The following ZNF282 variants were observed in gnomAD, a reference collection of about 807,000 sequenced individuals.
ZNF282 encodes zinc finger protein 282.
In ZNF282, 30 loss-of-function variants were observed where a neutral mutation model predicts 61.9. The ratio of observed to expected loss-of-function variants is 0.48; its 90% CI spans 0.36 to 0.66. The LOEUF is 0.66. Ranked by LOEUF, ZNF282 falls within the 30% of genes least tolerant of loss-of-function variation. The pLI is 0.00. For missense variants in ZNF282, 788 were observed against 941.4 expected, an observed-to-expected ratio of 0.84 and a Z score of 2.13; for synonymous variants, 396 against 405.0, an observed-to-expected ratio of 0.98 and a Z score of 0.27.
At position 149,224,249 on chromosome 7, in the gene ZNF282, C is replaced by G. The variant is rs1283870795; in HGVS notation, c.1618C>G (p.His540Asp). 6.2e-7 allele frequency: 1 copy of G among 1,612,550 alleles called. No individual in the cohort carries two copies. The highest frequency in any genetic ancestry group is 1.7e-5 in the Admixed American group (1 of 60,006). Residue 540 changes from histidine (H) to aspartate (D), a missense_variant, in exon 8 of 8, where the codon CAC (histidine) becomes GAC (aspartate). Physicochemically the swap from His to Asp is moderately conservative, Grantham distance 81 (BLOSUM62 -1). Coordinates refer to ENST00000610704, the MANE Select transcript of ZNF282 (RefSeq NM_003575.4). ...GAGCCTCATCATCCACCACCGCAGC[C>G]ACACCAAGGAGCGGCCCTACGAGTG... ...RKSLIIHHRS[H>D]TKERPYECAE...
Position 149,224,437 on chromosome 7 carries a change from C to A in ZNF282, c.1806C>A (p.Phe602Leu). 6.2e-7 allele frequency: 1 copy of A among 1,613,940 alleles called. No individual in the cohort carries two copies. The highest frequency in any genetic ancestry group is 8.5e-7 in the Non-Finnish European group (1 of 1,179,968). The part of the protein sequence containing the change: ...HQRLHTGERP[F>L]QCALCGKSFI... ...GGCTGCACACGGGCGAGCGGCCTTT[C>A]CAATGTGCACTGTGCGGCAAGAGCT... is the stretch of plus-strand genomic sequence containing the variant. The change falls in exon 8 of 8, where the codon TTC (phenylalanine) becomes TTA (leucine). Residue 602 changes from phenylalanine (F) to leucine (L), a missense_variant. Phe to Leu is a conservative substitution (Grantham distance 22). Coordinates refer to ENST00000610704, the MANE Select transcript of ZNF282 (RefSeq NM_003575.4).
intron 7 of ZNF282, among the ~76,000 whole-genome samples, chr7:149,223,284 G>GTTT (rs35217674): frequency 2.0e-5 from 3 of 147,354 alleles, no homozygotes; most frequent in Admixed American, 6.8e-5. Context: ...GAAAAGATTT[G>GTTT]TTTTTTTTTT....
Position 149,205,884 on chromosome 7 carries a change from C to T in ZNF282, c.586-812C>T, listed in dbSNP as rs151111404. Among the ~76,000 whole-genome samples, 913 of 152,072 alleles carry T rather than the reference C, an allele frequency of 6.0e-3. 6 individuals carry two copies. The highest frequency in any genetic ancestry group is 8.8e-3 in the Non-Finnish European group (600 of 67,992). Reference sequence around the variant, plus strand: ...ACCGAGAGTGAAAGGCTGGTTCAGTCGGAATGTGAAAGTGGTAAGAGGGAA... The same window carrying T: ...ACCGAGAGTGAAAGGCTGGTTCAGTTGGAATGTGAAAGTGGTAAGAGGGAA... On this transcript the variant is annotated intron_variant, in intron 2 of 7. Transcript: ENST00000610704.
Position 149,224,588 on chromosome 7 carries a change from A to AGCGGCGGCCCGGGCC in ZNF282, c.1958_1972dup (p.Gly657_Pro658insArgGlyGlyProGly). ...GCTCAAGGACCACCTGCGCGTGCAC[A>AGCGGCGGCCCGGGCC]GCGGCGGCCCGGGCCCCGGCGCCCC... On this transcript the variant is annotated inframe_insertion, in exon 8 of 8. Transcript: ENST00000610704. 6.3e-7 allele frequency: 1 copy of AGCGGCGGCCCGGGCC among 1,582,154 alleles called. No individual in the cohort carries two copies. Among genetic ancestry groups the AGCGGCGGCCCGGGCC allele is most frequent in the African/African-American group, 1.3e-5 (1 of 74,312 alleles).
At position 149,224,307 on chromosome 7, in the gene ZNF282, C is replaced by T; in HGVS notation, c.1676C>T (p.Ser559Leu). 6.2e-7 allele frequency: 1 copy of T among 1,613,038 alleles called. No homozygotes were observed. Among genetic ancestry groups the T allele is most frequent in the Non-Finnish European group, 8.5e-7 (1 of 1,179,812 alleles). ...TGCGAGAAGAGCTTCAACTGCCACT[C>T]GGGCCTCATCCGCCACCAGATGACG... The part of the protein sequence containing the change: ...AECEKSFNCH[S>L]GLIRHQMTHR... Residue 559 changes from serine (S) to leucine (L), a missense_variant, in exon 8 of 8, where the codon TCG becomes TTG. By Grantham distance (145) the Ser-to-Leu change is moderately radical (BLOSUM62 -2). Transcript: ENST00000610704.
intron 2 of ZNF282, among the ~76,000 whole-genome samples, chr7:149,199,488 C>T (rs1180703424): frequency 1.3e-5 from 2 of 152,098 alleles, no homozygotes; most frequent in Non-Finnish European, 2.9e-5. Context: ...TTCCCACCAG[C>T]ATGTGACTGT....
intron 2 of ZNF282, among the ~76,000 whole-genome samples, chr7:149,202,638 A>T (rs985384199): frequency 6.6e-6 from 1 of 151,384 alleles, no homozygotes; most frequent in African/African-American, 2.4e-5. Flanking sequence ...TTTAGTAGAG[A>T]CAGGGTTTCA....
At chr7:149,203,993 C>A (rs970849528) in intron 2 of ZNF282, among the ~76,000 whole-genome samples, 1 of 152,080 alleles carries the variant, frequency 6.6e-6, no homozygotes, top group Non-Finnish European at 1.5e-5. Flanking sequence ...AACTGGGGAG[C>A]AGCTTAGGTG....
At chr7:149,222,652 ATTTAT>A (rs1796274559) in intron 7 of ZNF282, among the ~76,000 whole-genome samples, 2 of 151,880 alleles carry the variant, frequency 1.3e-5, no homozygotes, top group African/African-American at 4.8e-5. Context: ...TTTTATTTTT[ATTTAT>A]TTATTTTTTG....
chr7:149,207,304 G>A (rs908196837), intron 3 of ZNF282, 47 bp from the exon 4 acceptor site: 8 of 1,562,902 alleles, frequency 5.1e-6, no homozygotes, highest in African/African-American at 2.7e-5. Context: ...TGCTGGATGC[G>A]TTGGTCAACT....
At chr7:149,202,277 T>C (rs1795923639) in intron 2 of ZNF282, among the ~76,000 whole-genome samples, 1 of 151,280 alleles carries the variant, frequency 6.6e-6, no homozygotes, top group South Asian at 2.1e-4. Flanking sequence ...CCCGAGTAGC[T>C]GGAATAACAG....
chr7:149,199,366 T>C (rs1795873329), intron 2 of ZNF282, among the ~76,000 whole-genome samples: 1 of 152,162 alleles, frequency 6.6e-6, no homozygotes, highest in African/African-American at 2.4e-5. Context: ...CCACAGACTC[T>C]GCTTTCCCTT....
Position 149,206,782 on chromosome 7 carries a change from C to G in ZNF282, c.672C>G (p.Asn224Lys), listed in dbSNP as rs1389012740. The change falls in exon 3 of 8, where the codon AAC becomes AAG. Residue 224 changes from asparagine (N) to lysine (K), a missense_variant. Around this residue, in one of 3 missense-constraint regions of ZNF282, gnomAD observed 92 missense variants for 163.9 expected, o/e 0.56. Transcript: ENST00000610704. The stretch of plus-strand genomic sequence containing the variant: ...ACGAATGGCAGAAGGAGCTTTATAA[C>G]AACCTTGTTAAGGAGAACTACAAAA... The part of the protein sequence containing the change: ...NLDEWQKELY[N>K]NLVKENYKTL... 1.2e-6 allele frequency: 2 copies of G among 1,614,206 alleles called. No individual in the cohort carries two copies. The highest frequency in any genetic ancestry group is 2.2e-5 in the South Asian group (2 of 91,086).
At chr7:149,213,958 AG>A in intron 7 of ZNF282, 144 bp downstream of exon 7, 1 of 602,642 alleles carries the variant, frequency 1.7e-6, no homozygotes, top group Non-Finnish European at 2.9e-6. Context: ...TCTGCACCAA[AG>A]CACTCCCATT....
chr7:149,224,069 G>C lies in ZNF282; in HGVS notation c.1438G>C (p.Gly480Arg). 1 of 1,197,984 alleles carries C rather than the reference G, an allele frequency of 8.3e-7. No homozygotes were observed. 74.2% of individuals were successfully genotyped at this position (1,197,984 alleles called of 1,614,324 possible). Residue 480 changes from glycine (G) to arginine (R), a missense_variant, in exon 8 of 8, where the codon GGC becomes CGC. Physicochemically the swap from Gly to Arg is moderately radical, Grantham distance 125. Around this residue, in one of 3 missense-constraint regions of ZNF282, gnomAD observed 559 missense variants for 642.0 expected, o/e 0.87. Coordinates refer to ENST00000610704, the MANE Select transcript of ZNF282 (RefSeq NM_003575.4). ...CACCGGGGGCGGCGGGGGCGATGGG[G>C]GCGGTGGGGGCGGCGGCGCGGAGGC... ...RSTGGGGGDGGGGGGGAEAGT... is the reference protein window; with the variant it reads ...RSTGGGGGDGRGGGGGAEAGT...
chr7:149,221,666 G>A (rs1349520364), intron 7 of ZNF282, among the ~76,000 whole-genome samples: 1 of 152,138 alleles, frequency 6.6e-6, no homozygotes, highest in Non-Finnish European at 1.5e-5. Context: ...ATCCTGCACT[G>A]ATGTGAAGAG....
intron 7 of ZNF282, among the ~76,000 whole-genome samples, chr7:149,217,908 G>T (rs1359821015): frequency 6.6e-6 from 1 of 152,000 alleles, no homozygotes; most frequent in Non-Finnish European, 1.5e-5. Flanking sequence ...GAGCATGTAT[G>T]ACCTATGGGC....
Position 149,213,693 on chromosome 7 carries a change from G to T in ZNF282, c.1067-8G>T. ...AAATCTAAGACTGCCTTCTTTCCAT[G>T]ACAACAGAGTCTCTCATCTCAGCAC... On this transcript the variant is annotated splice_polypyrimidine_tract_variant and splice_region_variant and intron_variant, in intron 6 of 7. Coordinates refer to ENST00000610704, the MANE Select transcript of ZNF282 (RefSeq NM_003575.4). The T allele has an allele frequency of 6.2e-7, 1 of 1,608,158 alleles. No homozygotes were observed. The highest frequency in any genetic ancestry group is 1.1e-5 in the South Asian group (1 of 90,558).
chr7:149,222,874 T>C (rs1796277996), intron 7 of ZNF282, among the ~76,000 whole-genome samples: 1 of 152,138 alleles, frequency 6.6e-6, no homozygotes, highest in Non-Finnish European at 1.5e-5. Context: ...TCTCGATCTC[T>C]TGACCTCGTG....
Sources: gnomAD v4.1 joint callset for allele counts (sites outside exome capture counted in the v4.1 genomes callset) on GRCh38, gnomAD v4.1.1 for gene constraint, gnomAD v4.1.1 regional missense constraint, MANE v1.5 for transcripts, NCBI Gene and HGNC (gene_info 2026-07-23, HGNC 2026-07-21) for gene names.